Variants in SFRP1 observed in about 807,000 individuals in gnomAD.
The protein encoded by SFRP1 is secreted frizzled related protein 1.
Under a neutral mutation model 25.9 loss-of-function variants are expected in SFRP1, and 9 were observed. The observed-to-expected ratio is 0.35, with a 90% CI of 0.21 to 0.61. The LOEUF is 0.61. SFRP1 is among the 20% of genes least tolerant of loss of function. SFRP1 has a pLI of 0.78. For missense variants in SFRP1, 346 were observed against 418.2 expected (o/e 0.83, Z 1.51); for synonymous variants, 178 against 174.0 (o/e 1.02, Z -0.18).
intron 2 of SFRP1, chr8:41,298,205 A>G (rs1263334785): frequency 1.3e-5 from 2 of 152,234 alleles, no homozygotes; most frequent in African/African-American, 4.8e-5. Flanking sequence ...CAATACAGAG[A>G]AGATTCACAT....
At chr8:41,291,784 T>G (rs1200363863) in intron 2 of SFRP1, among the ~76,000 whole-genome samples, 1 of 151,854 alleles carries the variant, frequency 6.6e-6, no homozygotes, top group African/African-American at 2.4e-5. Flanking sequence ...TGAAATTAGG[T>G]TAATCCAGGT....
At chr8:41,275,039 G>T in intron 2 of SFRP1, 1 of 276,246 alleles carries the variant, frequency 3.6e-6, no homozygotes, top group South Asian at 2.8e-5. Context: ...GAGGAGGGAG[G>T]CAGTCCACTG....
Position 41,276,639 on chromosome 8 carries a change from C to CA in SFRP1, c.623-11151dup, listed in dbSNP as rs74557787. The stretch of plus-strand genomic sequence containing the variant: ...ACAAGACATACGTTACACACAAGAA[C>CA]AAAAAAAACTAAACTAAAAGAACAA... On this transcript the variant is annotated intron_variant, in intron 2 of 2. Coordinates refer to ENST00000220772, the MANE Select transcript of SFRP1 (RefSeq NM_003012.5). Among the ~76,000 whole-genome samples, 166 of 151,970 alleles carry CA rather than the reference C, an allele frequency of 1.1e-3. 3 individuals are homozygous for CA. The East Asian group carries it at 0.025, about 23-fold the overall frequency.
At chr8:41,294,336 C>T (rs1294181359) in intron 2 of SFRP1, among the ~76,000 whole-genome samples, 1 of 152,086 alleles carries the variant, frequency 6.6e-6, no homozygotes, top group Non-Finnish European at 1.5e-5. Flanking sequence ...GCGGAAGACA[C>T]CGACGTGGAA....
rs142177070 is a variant in SFRP1, at chr8:41,289,637, G to A, written c.622+13824C>T. ...GCCTTTATGTCAATCCCTGCTAACC[G>A]CTGGAATCCTCTAAGGAAGTGACTC... On this transcript the variant is annotated intron_variant, in intron 2 of 2. Coordinates refer to ENST00000220772, the MANE Select transcript of SFRP1 (RefSeq NM_003012.5). Among the ~76,000 whole-genome samples the A allele has an allele frequency of 2.9e-3, 440 of 152,212 alleles. 4 individuals carry two copies. Among genetic ancestry groups the A allele is most frequent in the African/African-American group, 0.01 (422 of 41,542 alleles).
At chr8:41,298,094 C>G (rs146645777) in intron 2 of SFRP1, 5 of 152,170 alleles carry the variant, frequency 3.3e-5, no homozygotes, top group Admixed American at 3.3e-4. Context: ...CGTGAGGGCA[C>G]GGACTGGCTG....
chr8:41,293,014 G>A (rs1803796722), intron 2 of SFRP1, among the ~76,000 whole-genome samples: 1 of 152,246 alleles, frequency 6.6e-6, no homozygotes, highest in South Asian at 2.1e-4. Flanking sequence ...AGCAGCGGCT[G>A]CGGGTTACGT....
chr8:41,279,300 C>T (rs1378125375), intron 2 of SFRP1, among the ~76,000 whole-genome samples: 1 of 152,144 alleles, frequency 6.6e-6, no homozygotes, highest in African/African-American at 2.4e-5. Context: ...CACAGAACTC[C>T]GCTTCAGCAC....
chr8:41,266,092 G>C (rs1490961472), intron 2 of SFRP1, among the ~76,000 whole-genome samples: 1 of 151,938 alleles, frequency 6.6e-6, no homozygotes, highest in Non-Finnish European at 1.5e-5. Flanking sequence ...CTTGAACCTG[G>C]GAGGCGGAGG....
At position 41,262,436 on chromosome 8, in the gene SFRP1, G is replaced by A. The variant is rs1205391011; in HGVS notation, c.*2731C>T. The A allele has an allele frequency of 6.6e-6, 1 of 152,208 alleles. No homozygotes were observed. Among genetic ancestry groups the A allele is most frequent in the Non-Finnish European group, 1.5e-5 (1 of 68,034 alleles). The allele number at this position is 152,208 out of a possible 1,614,324, so 9.4% of individuals were successfully genotyped here. On this transcript the variant is annotated 3_prime_UTR_variant, in exon 3 of 3. Transcript: ENST00000220772. ...ACATCCAAATGCAAACTGGAGCTCTGATTGAATTCTACCCTGGGGAGAACT... is the reference window on the plus strand; with the variant it reads ...ACATCCAAATGCAAACTGGAGCTCTAATTGAATTCTACCCTGGGGAGAACT...
intron 2 of SFRP1, among the ~76,000 whole-genome samples, chr8:41,295,641 T>C (rs1168966561): frequency 6.6e-6 from 1 of 151,982 alleles, no homozygotes; most frequent in African/African-American, 2.4e-5. Flanking sequence ...CTCACTTAAA[T>C]ATGCGCTGCA....
intron 2 of SFRP1, among the ~76,000 whole-genome samples, chr8:41,292,418 T>C (rs190028476): frequency 6.6e-6 from 1 of 152,282 alleles, no homozygotes; most frequent in East Asian, 1.9e-4. Context: ...TAAGGGGATC[T>C]TCCCCCTTCA....
chr8:41,307,854 T>C (rs1186613939), intron 1 of SFRP1, among the ~76,000 whole-genome samples: 1 of 152,138 alleles, frequency 6.6e-6, no homozygotes, highest in African/African-American at 2.4e-5. Context: ...CGGGAGGAGA[T>C]GAACAATGAG....
intron 2 of SFRP1, among the ~76,000 whole-genome samples, chr8:41,272,611 A>G (rs909667564): frequency 2.6e-5 from 4 of 152,202 alleles, no homozygotes; most frequent in Non-Finnish European, 5.9e-5. Flanking sequence ...TGTCTCAAAA[A>G]ATTTTTTCAA....
intron 2 of SFRP1, among the ~76,000 whole-genome samples, chr8:41,270,086 C>T (rs919336974): frequency 2.0e-5 from 3 of 152,086 alleles, no homozygotes; most frequent in Non-Finnish European, 2.9e-5. Flanking sequence ...TAGGGGGCCA[C>T]GCCAACCCAT....
chr8:41,294,985 T>C (rs1333511052), intron 2 of SFRP1, among the ~76,000 whole-genome samples: 2 of 152,306 alleles, frequency 1.3e-5, no homozygotes, highest in Admixed American at 6.5e-5. Context: ...TAGTGTGATA[T>C]GGAAACTCCA....
At chr8:41,291,762 C>CT (rs1803782519) in intron 2 of SFRP1, among the ~76,000 whole-genome samples, 1 of 152,172 alleles carries the variant, frequency 6.6e-6, no homozygotes, top group South Asian at 2.1e-4. Context: ...GACTGGGTCT[C>CT]TGACACTAAC....
intron 1 of SFRP1, among the ~76,000 whole-genome samples, chr8:41,303,830 G>T (rs1046934602): frequency 6.6e-6 from 1 of 152,138 alleles, no homozygotes; most frequent in Non-Finnish European, 1.5e-5. Context: ...GATGACTTGT[G>T]GGGCGCTGTG....
At chr8:41,284,343 A>G (rs1484249855) in intron 2 of SFRP1, among the ~76,000 whole-genome samples, 1 of 151,710 alleles carries the variant, frequency 6.6e-6, no homozygotes, top group African/African-American at 2.4e-5. Flanking sequence ...CCCGGCCAAC[A>G]TTGCTGGAGG....
Sources: allele counts gnomAD v4.1 joint callset (sites outside exome capture counted in the v4.1 genomes callset), GRCh38; gene constraint gnomAD v4.1.1; transcripts MANE v1.5; gene names NCBI Gene and HGNC (gene_info 2026-07-23, HGNC 2026-07-21).